The following MIB2 variants were observed in gnomAD, a reference collection of about 807,000 sequenced individuals.
MIB2 encodes the protein E3 ubiquitin-protein ligase MIB2.
Under a neutral mutation model 96.6 loss-of-function variants are expected in MIB2, and 78 were observed. The observed-to-expected ratio is 0.81, with a 90% confidence interval of 0.67 to 0.97. MIB2 has a LOEUF of 0.97. Among genes scored for constraint, MIB2 ranks in the 50% least tolerant of loss-of-function variants. The pLI is 0.00. For missense variants in MIB2, 1,543 were observed against 1,424.0 expected (o/e 1.08, Z -1.35); for synonymous variants, 820 against 629.5 (o/e 1.30, Z -4.53).
chr1:1,623,376 C>T (rs755650795), intron 2 of MIB2, 55 bp from the exon 3 acceptor site: 32 of 1,589,482 alleles, frequency 2.0e-5, no homozygotes, highest in East Asian at 9.2e-5. Context: ...CTGAGAATAC[C>T]CTCTGCCCAC....
chr1:1,615,588 C>T lies in MIB2; in HGVS notation c.-175C>T, dbSNP rs1165846892. 3 of 1,556,872 alleles carry T rather than the reference C, an allele frequency of 1.9e-6. No homozygotes were observed. Among genetic ancestry groups the T allele is most frequent in the Non-Finnish European group, 2.6e-6 (3 of 1,155,384 alleles). On this transcript the variant is annotated 5_prime_UTR_variant, in exon 1 of 20. Transcript: ENST00000355826. ...TGGGAGCCCGAAGCCGTCCCCGAGT[C>T]GCTCCTAGGTCACTGGCGCGATGCG...
At position 1,628,545 on chromosome 1, in the gene MIB2, C is replaced by T. The variant is rs753391471; in HGVS notation, c.2025C>T (p.Ala675=). The change falls in exon 16 of 20, where the codon GCC becomes GCT. Residue 675 remains alanine, a synonymous_variant. Coordinates refer to ENST00000355826, the MANE Select transcript of MIB2 (RefSeq NM_001170687.4). The part of the protein sequence containing the change: ...NRKLQSPLHL[A]VQQAHVGLVP... The stretch of plus-strand genomic sequence containing the variant: ...AGCTGCAGTCCCCGCTGCATCTCGC[C>T]GTGCAACAGGCCCACGTGGGGCTGG... 36 of 1,601,594 alleles carry T rather than the reference C, an allele frequency of 2.2e-5. No homozygotes were observed. Among genetic ancestry groups the T allele is most frequent in the African/African-American group, 2.1e-4 (16 of 74,886 alleles).
In MIB2 at chr1:1,625,830, G is replaced by A; in HGVS notation, c.972+177G>A. 1.6e-6 allele frequency: 1 copy of A among 607,796 alleles called. No homozygotes were observed. Among genetic ancestry groups the A allele is most frequent in the Non-Finnish European group, 2.9e-6 (1 of 342,744 alleles). 37.7% of individuals were successfully genotyped at this position (607,796 alleles called of 1,614,324 possible). A position where few individuals can be genotyped will look rare whatever the true frequency, so the allele number is the denominator to read the frequency against. On this transcript the variant is annotated intron_variant, in intron 8 of 19. Transcript: ENST00000355826. The surrounding 1 kb of genome is among the most constrained non-coding windows in gnomAD (Gnocchi z 5.0). ...GTGGGTGGGGTCAAGGAGAAGAGGG[G>A]GTTGGGTGTGAAGGAACCCAGAGGA...
intron 4 of MIB2, 161 bp from the exon 5 acceptor site, chr1:1,624,634 A>G: frequency 1.4e-6 from 1 of 714,470 alleles, no homozygotes; most frequent in Non-Finnish European, 2.5e-6. Context: ...GAGGATGCTG[A>G]CCTGCTGGAC....
Position 1,624,792 on chromosome 1 carries a change from C to T in MIB2, c.420-3C>T, listed in dbSNP as rs1644582399. On this transcript the variant is annotated splice_region_variant and splice_polypyrimidine_tract_variant and intron_variant, in intron 4 of 19. Transcript: ENST00000355826. ...AGAGCTTTATTTGTGAACCCTCTTG[C>T]AGTGTCACACTGAGTCCCCGCCAGG... The T allele has an allele frequency of 6.2e-7, 1 of 1,611,604 alleles. No homozygotes were observed. The highest frequency in any genetic ancestry group is 1.7e-4 in the Middle Eastern group (1 of 6,060).
chr1:1,629,239 G>A lies in MIB2; in HGVS notation c.2309G>A (p.Gly770Asp). The A allele has an allele frequency of 1.3e-6, 2 of 1,545,344 alleles. No homozygotes were observed. Among genetic ancestry groups the A allele is most frequent in the Non-Finnish European group, 1.7e-6 (2 of 1,156,454 alleles). Residue 770 changes from glycine (G) to aspartate (D), a missense_variant, in exon 17 of 20, where the codon GGT becomes GAT. Gly to Asp is a moderately conservative substitution (Grantham distance 94, BLOSUM62 -1). Transcript: ENST00000355826. ...GACGTGAGCTACACCAACCACCGCG[G>A]TCGGAGCCCGCTGGACCTGGCCGCC... ...GADVSYTNHRGRSPLDLAAEG... is the reference protein window; with the variant it reads ...GADVSYTNHRDRSPLDLAAEG...
rs373596032 is a variant in MIB2 at position 1,628,606 on chromosome 1, G to A, written c.2086G>A (p.Ala696Thr). The part of the protein sequence containing the change: ...LLVDAGCSVN[A>T]EDEEGDTALH... ...GGTGGACGCTGGGTGCAGTGTCAACGCCGAGGACGAGGAGGGGGACACAGC... is the reference window on the plus strand; with the variant it reads ...GGTGGACGCTGGGTGCAGTGTCAACACCGAGGACGAGGAGGGGGACACAGC... The change falls in exon 16 of 20, where the codon GCC becomes ACC. Residue 696 changes from alanine (A) to threonine (T), a missense_variant. Transcript: ENST00000355826. The A allele has an allele frequency of 6.3e-5, 101 of 1,599,462 alleles. No individual in the cohort carries two copies. In the African/African-American group the frequency reaches 9.9e-4, roughly 16 times the overall value.
At chr1:1,622,111 C>T (rs1270572635) in intron 2 of MIB2, among the ~76,000 whole-genome samples, 2 of 152,192 alleles carry the variant, frequency 1.3e-5, no homozygotes, top group Non-Finnish European at 2.9e-5. Flanking sequence ...GGGCCCCCTC[C>T]CATCCTCAGC....
Position 1,623,931 on chromosome 1 carries a change from C to G in MIB2, c.405C>G (p.Thr135=). The part of the protein sequence containing the change: ...ELAHAFDRYE[T]AHSRPVTLSP... The stretch of plus-strand genomic sequence containing the variant: ...CCCACGCCTTCGACCGCTACGAGAC[C>G]GCTCACTCGCGCCCGTGAGTCCCGG... The change falls in exon 4 of 20, where the codon ACC becomes ACG. Residue 135 remains threonine, a synonymous_variant. Transcript: ENST00000355826. 2 of 1,607,394 alleles carry G rather than the reference C, an allele frequency of 1.2e-6. No homozygotes were observed. Among genetic ancestry groups the G allele is most frequent in the Non-Finnish European group, 1.7e-6 (2 of 1,176,086 alleles).
At chr1:1,624,246 G>T in intron 4 of MIB2, 1 of 481,566 alleles carries the variant, frequency 2.1e-6, no homozygotes, top group Non-Finnish European at 3.7e-6. Context: ...GCTGCGCTCT[G>T]GTCCGAGGGC....
At chr1:1,627,906 G>C in intron 13 of MIB2, 77 bp downstream of exon 13, 1 of 1,597,740 alleles carries the variant, frequency 6.3e-7, no homozygotes, top group Non-Finnish European at 8.5e-7. Context: ...CTGCCCATGT[G>C]TGCTGCTCCC....
Position 1,620,944 on chromosome 1 carries a change from G to A in MIB2, c.-22-2487G>A, listed in dbSNP as rs531393300. ...GTGGGGCCATGGAGCTGGGCTGGCC[G>A]GTGGAACTGTGTCCACCTGGACATG... is the stretch of plus-strand genomic sequence containing the variant. On this transcript the variant is annotated intron_variant, in intron 2 of 19. Transcript: ENST00000355826. 6.6e-5 allele frequency among the ~76,000 whole-genome samples: 10 copies of A among 152,370 alleles called. No individual in the cohort carries two copies. In the East Asian group the frequency reaches 7.7e-4, roughly 12 times the overall value.
chr1:1,626,570 A>T lies in MIB2; in HGVS notation c.973-80A>T. On this transcript the variant is annotated intron_variant, in intron 8 of 19. Coordinates refer to ENST00000355826, the MANE Select transcript of MIB2 (RefSeq NM_001170687.4). This position sits in a 1 kb window ranked among gnomAD's most constrained non-coding sequence, Gnocchi z 5.3. ...CAGGCCTGCCTGTCTCGTGGAGCTCAGCAGGTTGCCCTCCTGTTGCATGAG... is the reference window on the plus strand; with the variant it reads ...CAGGCCTGCCTGTCTCGTGGAGCTCTGCAGGTTGCCCTCCTGTTGCATGAG... The T allele has an allele frequency of 8.2e-7, 1 of 1,217,210 alleles. No individual in the cohort carries two copies. The highest frequency in any genetic ancestry group is 1.1e-6 in the Non-Finnish European group (1 of 888,518). 75.4% of individuals were successfully genotyped at this position (1,217,210 alleles called of 1,614,324 possible). A position where few individuals can be genotyped will look rare whatever the true frequency, so the allele number is the denominator to read the frequency against.
At chr1:1,619,102 A>G (rs1263601221) in intron 2 of MIB2, 2 of 152,534 alleles carry the variant, frequency 1.3e-5, no homozygotes, top group Admixed American at 6.5e-5. Flanking sequence ...GGCCGGGCAC[A>G]GTGGCTCACA....
Position 1,626,529 on chromosome 1 carries a change from G to A in MIB2, c.973-121G>A, listed in dbSNP as rs1380240020. 14 of 794,098 alleles carry A rather than the reference G, an allele frequency of 1.8e-5. No individual in the cohort carries two copies. Among genetic ancestry groups the A allele is most frequent in the South Asian group, 1.2e-4 (6 of 50,822 alleles). 49.2% of individuals were successfully genotyped at this position (794,098 alleles called of 1,614,324 possible). On this transcript the variant is annotated intron_variant, in intron 8 of 19. Transcript: ENST00000355826. The surrounding 1 kb of genome is among the most constrained non-coding windows in gnomAD (Gnocchi z 5.3). ...TCTGGCAGTGCCTGGGGTCGGGGTC[G>A]GGGCCGGGGCCGAGTCAGGCCTGCC...
At chr1:1,615,980 A>T in intron 1 of MIB2, 1 of 985,290 alleles carries the variant, frequency 1.0e-6, no homozygotes, top group Middle Eastern at 5.2e-4. Flanking sequence ...GCCGCTGAGC[A>T]GTCGGGGCCG....
intron 16 of MIB2, 41 bp downstream of exon 16, chr1:1,628,763 G>A (rs1022563089): frequency 1.4e-6 from 2 of 1,430,114 alleles, no homozygotes; most frequent in South Asian, 1.4e-5. Context: ...GGCTGCGGTG[G>A]CGCCGGCAGC....
chr1:1,623,972 G>T (rs1306771898), intron 4 of MIB2, 27 bp downstream of exon 4: 1 of 1,584,988 alleles, frequency 6.3e-7, no homozygotes, highest in East Asian at 2.3e-5. Context: ...ACCGGCTCCT[G>T]TGCGGCGGGT....
intron 15 of MIB2, 31 bp downstream of exon 15, chr1:1,628,430 C>A: frequency 6.2e-7 from 1 of 1,604,250 alleles, no homozygotes; most frequent in Non-Finnish European, 8.5e-7. Context: ...TGCCCAAGGA[C>A]CGGGGAGCGG....
Sources: allele counts gnomAD v4.1 joint callset (sites outside exome capture counted in the v4.1 genomes callset), GRCh38; gene constraint gnomAD v4.1.1; non-coding constraint Gnocchi (gnomAD v3.1); transcripts MANE v1.5; gene names NCBI Gene and HGNC (gene_info 2026-07-23, HGNC 2026-07-21).